ZBED6: variants seen among roughly 807,000 people sequenced by gnomAD.
ZBED6 encodes the protein zinc finger BED domain-containing protein 6.
A neutral mutation model predicts 58.4 loss-of-function variants in ZBED6; 40 were observed. That is an observed-to-expected ratio of 0.68 (90% confidence interval 0.53 to 0.89). ZBED6 has a LOEUF of 0.89. Ranked by LOEUF, ZBED6 falls within the 40% of genes least tolerant of loss-of-function variation. The probability of loss-of-function intolerance (pLI) is 0.00; values close to 1 mark genes in which losing one functional copy is unlikely to be tolerated. For missense variants in ZBED6, 1,057 were observed against 1,003.9 expected, an observed-to-expected ratio of 1.05 and a Z score of -0.71; for synonymous variants, 439 against 350.6, an observed-to-expected ratio of 1.25 and a Z score of -2.82.
intron 1 of ZBED6, among the ~76,000 whole-genome samples, chr1:203,810,758 A>G (rs1032059032): frequency 1.3e-5 from 2 of 152,056 alleles, no homozygotes; most frequent in African/African-American, 4.8e-5. Context: ...CTGTTGAAAC[A>G]TTAGTAAGGG....
intron 11 of ZBED6, among the ~76,000 whole-genome samples, chr1:203,845,108 C>A (rs1438916218): frequency 6.6e-6 from 1 of 152,084 alleles, no homozygotes; most frequent in Non-Finnish European, 1.5e-5. Context: ...ACAGAACTCA[C>A]GCCTATGGTT....
chr1:203,823,521 AG>A (rs1466839139), intron 3 of ZBED6, among the ~76,000 whole-genome samples: 1 of 152,258 alleles, frequency 6.6e-6, no homozygotes, highest in Non-Finnish European at 1.5e-5. Context: ...TTGTACAAAC[AG>A]TCTAGGCATA....
At chr1:203,800,688 TGA>T (rs1038501264) in exon 1 of ZBED6, 62 of 380,046 alleles carry the variant, frequency 1.6e-4, no homozygotes, top group African/African-American at 1.3e-3. Context: ...CTTATACCAA[TGA>T]GAGAGAAGAT....
At chr1:203,812,177 A>G (rs1032829363) in intron 1 of ZBED6, among the ~76,000 whole-genome samples, 7 of 152,138 alleles carry the variant, frequency 4.6e-5, no homozygotes, top group African/African-American at 1.7e-4. Context: ...TTACACAGGT[A>G]AATGTGTGTC....
At chr1:203,841,073 A>C (rs1361159580) in intron 11 of ZBED6, among the ~76,000 whole-genome samples, 3 of 152,152 alleles carry the variant, frequency 2.0e-5, no homozygotes, top group Non-Finnish European at 4.4e-5. Context: ...CTTGCATTGT[A>C]TCAAGTGAAG....
intron 1 of ZBED6, chr1:203,814,912 C>G (rs1488333531): frequency 6.6e-6 from 1 of 152,190 alleles, no homozygotes; most frequent in African/African-American, 2.4e-5. Context: ...TCACTGCAAC[C>G]TCCACCTCCC....
chr1:203,844,659 A>T (rs1687386850), intron 11 of ZBED6, among the ~76,000 whole-genome samples: 1 of 151,882 alleles, frequency 6.6e-6, no homozygotes, highest in African/African-American at 2.4e-5. Flanking sequence ...CTCTCTCCTG[A>T]CTGGGAGACT....
chr1:203,829,989 C>A, intron 6 of ZBED6, 93 bp downstream of exon 6: 1 of 1,367,594 alleles, frequency 7.3e-7, no homozygotes, highest in Non-Finnish European at 1.0e-6. Context: ...TTCTTTTTCC[C>A]ATGCTACACG....
intron 11 of ZBED6, 118 bp downstream of exon 11, chr1:203,840,492 C>A: frequency 2.9e-6 from 3 of 1,020,224 alleles, no homozygotes; most frequent in Non-Finnish European, 4.3e-6. Context: ...TTTTGTAGTT[C>A]TGTTTGTTTT....
At chr1:203,804,440 C>T (rs887979309) in intron 1 of ZBED6, among the ~76,000 whole-genome samples, 2 of 152,074 alleles carry the variant, frequency 1.3e-5, no homozygotes, top group Non-Finnish European at 2.9e-5. Context: ...GCATGAGCCA[C>T]CACGCCCGGC....
intron 1 of ZBED6, among the ~76,000 whole-genome samples, chr1:203,809,446 G>A (rs1673589910): frequency 1.3e-5 from 2 of 151,926 alleles, no homozygotes; most frequent in African/African-American, 4.8e-5. Flanking sequence ...AGGTTGCTGG[G>A]ATTACAGGCC....
exon 12 of ZBED6, chr1:203,847,567 G>A: frequency 6.2e-7 from 1 of 1,613,930 alleles, no homozygotes; most frequent in East Asian, 2.2e-5. Flanking sequence ...GACGCTGGAA[G>A]AAATTAAACT....
chr1:203,849,690 G>C, intron 13 of ZBED6, 21 bp from the exon 14 acceptor site: 1 of 1,611,152 alleles, frequency 6.2e-7, no homozygotes, highest in Non-Finnish European at 8.5e-7. Context: ...TTTTAATTCT[G>C]TCATTCAAAT....
exon 1 of ZBED6, chr1:203,799,842 T>G (rs1276731543): frequency 1.3e-6 from 2 of 1,525,366 alleles, no homozygotes; most frequent in Non-Finnish European, 1.8e-6. Flanking sequence ...AGATCCTTGC[T>G]TTAAAAACAG....
chr1:203,796,379 T>G, exon 1 of ZBED6: 5 of 398,798 alleles, frequency 1.3e-5, no homozygotes, highest in Admixed American at 4.4e-5. Context: ...TTCCCCACTC[T>G]CATTACACTC....
At chr1:203,829,923 T>C in intron 6 of ZBED6, 27 bp downstream of exon 6, 1 of 1,589,806 alleles carries the variant, frequency 6.3e-7, no homozygotes, top group Non-Finnish European at 8.6e-7. Context: ...TTGGTGCCTC[T>C]TATAGCACTG....
exon 5 of ZBED6, chr1:203,829,622 T>G: frequency 6.2e-7 from 1 of 1,614,230 alleles, no homozygotes; most frequent in Non-Finnish European, 8.5e-7. Flanking sequence ...CCAGTTGTAA[T>G]TAATGCTGCA....
chr1:203,850,469 A>G (rs778197194), intron 14 of ZBED6, 46 bp from the exon 15 acceptor site: 1 of 1,606,024 alleles, frequency 6.2e-7, no homozygotes, highest in Non-Finnish European at 8.5e-7. Context: ...CCCCATTTAA[A>G]AGAGTCTATT....
At chr1:203,805,968 A>G (rs1672188236) in intron 1 of ZBED6, 2 of 607,032 alleles carry the variant, frequency 3.3e-6, no homozygotes, top group Non-Finnish European at 6.4e-6. Context: ...TGGTCTTGGT[A>G]TCCTTCAATG....
Sources: gnomAD v4.1 joint callset for allele counts (sites outside exome capture counted in the v4.1 genomes callset) on GRCh38, gnomAD v4.1.1 for gene constraint, MANE v1.5 for transcripts, NCBI Gene and HGNC (gene_info 2026-07-23, HGNC 2026-07-21) for gene names.